ADAM18: variants seen among roughly 807,000 people sequenced by gnomAD.
ADAM18 encodes disintegrin and metalloproteinase domain-containing protein 18.
In ADAM18, 117 loss-of-function variants were observed where a neutral mutation model predicts 94.4. The ratio of observed to expected loss-of-function variants is 1.24; its 90% CI spans 1.07 to 1.45. The LOEUF (loss-of-function observed/expected upper bound fraction) is 1.45. Among genes scored for constraint, ADAM18 ranks in the 40% most tolerant of loss-of-function variants. The pLI, the probability that ADAM18 is intolerant of heterozygous loss-of-function variation, is 0.00. For missense variants in ADAM18, 936 were observed against 880.0 expected, an observed-to-expected ratio of 1.06 and a Z score of -0.81; for synonymous variants, 327 against 291.6, an observed-to-expected ratio of 1.12 and a Z score of -1.24.
intron 17 of ADAM18, among the ~76,000 whole-genome samples, chr8:39,698,790 AG>A (rs958294144): frequency 6.6e-6 from 1 of 152,092 alleles, no homozygotes; most frequent in African/African-American, 2.4e-5. Context: ...ACAAGTTCAT[AG>A]CTTTATAAAT....
intron 4 of ADAM18, 25 bp from the exon 5 acceptor site, chr8:39,609,460 C>T (rs2129578449): frequency 6.4e-7 from 1 of 1,556,032 alleles, no homozygotes; most frequent in African/African-American, 1.4e-5. Context: ...AATTTATATA[C>T]TTGCCTTTCT....
intron 2 of ADAM18, among the ~76,000 whole-genome samples, chr8:39,593,902 T>C (rs1375306182): frequency 6.6e-6 from 1 of 152,188 alleles, no homozygotes; most frequent in Non-Finnish European, 1.5e-5. Context: ...TAGGCAATTG[T>C]CTTTGATGTG....
intron 18 of ADAM18, among the ~76,000 whole-genome samples, chr8:39,720,937 A>G (rs993053717): frequency 1.8e-4 from 27 of 151,600 alleles, no homozygotes; most frequent in African/African-American, 5.8e-4. Context: ...TCACAGCAGC[A>G]CTATTCATAA....
At chr8:39,605,407 A>G (rs949907835) in intron 2 of ADAM18, among the ~76,000 whole-genome samples, 1 of 152,192 alleles carries the variant, frequency 6.6e-6, no homozygotes, top group Non-Finnish European at 1.5e-5. Context: ...CTGGAGGTAT[A>G]GTCTTCCTCA....
intron 14 of ADAM18, among the ~76,000 whole-genome samples, chr8:39,674,831 C>T (rs1821256688): frequency 6.6e-6 from 1 of 152,202 alleles, no homozygotes; most frequent in East Asian, 1.9e-4. Flanking sequence ...GAGACAAAAT[C>T]TCTCAGCATT....
intron 18 of ADAM18, among the ~76,000 whole-genome samples, chr8:39,709,642 G>A (rs569655489): frequency 1.1e-4 from 17 of 152,248 alleles, no homozygotes; most frequent in Non-Finnish European, 1.9e-4. Context: ...ATGTTATTGG[G>A]TGTCTGGTGA....
chr8:39,665,434 G>A (rs1407602334), intron 13 of ADAM18, among the ~76,000 whole-genome samples: 2 of 152,138 alleles, frequency 1.3e-5, no homozygotes, highest in Non-Finnish European at 2.9e-5. Context: ...CATGAACATA[G>A]TGTTTCATTT....
intron 2 of ADAM18, among the ~76,000 whole-genome samples, chr8:39,591,972 C>T (rs972784374): frequency 6.6e-6 from 1 of 152,172 alleles, no homozygotes; most frequent in African/African-American, 2.4e-5. Flanking sequence ...TCCTAGGTGA[C>T]CAGGTACATT....
At chr8:39,586,615 T>A (rs10099250) in intron 2 of ADAM18, among the ~76,000 whole-genome samples, 1 of 151,902 alleles carries the variant, frequency 6.6e-6, no homozygotes, top group Non-Finnish European at 1.5e-5. Context: ...TAGTCCCAGC[T>A]GTTCTGGAGG....
intron 6 of ADAM18, among the ~76,000 whole-genome samples, chr8:39,616,604 T>C (rs1819449408): frequency 6.6e-6 from 1 of 152,086 alleles, no homozygotes; most frequent in Admixed American, 6.5e-5. Context: ...AATCATCACA[T>C]TATCCAACTT....
intron 16 of ADAM18, 41 bp downstream of exon 16, chr8:39,680,267 A>G: frequency 1.9e-6 from 3 of 1,557,920 alleles, no homozygotes; most frequent in Non-Finnish European, 2.6e-6. Context: ...GTGTTAAATT[A>G]TGTGAATTAT....
intron 17 of ADAM18, among the ~76,000 whole-genome samples, chr8:39,700,586 T>C (rs998620735): frequency 6.6e-6 from 1 of 152,114 alleles, no homozygotes; most frequent in East Asian, 1.9e-4. Flanking sequence ...TATCCCAACC[T>C]CTTTTTATTT....
At chr8:39,602,501 T>G (rs890506851) in intron 2 of ADAM18, among the ~76,000 whole-genome samples, 1 of 152,186 alleles carries the variant, frequency 6.6e-6, no homozygotes, top group African/African-American at 2.4e-5. Flanking sequence ...ATGAGAACTT[T>G]AGGGTCATTT....
In ADAM18 at chr8:39,630,624, C is replaced by T. The variant is rs112212052; in HGVS notation, c.588+1185C>T. On this transcript the variant is annotated intron_variant, in intron 7 of 19. Coordinates refer to ENST00000265707, the MANE Select transcript of ADAM18 (RefSeq NM_014237.3). Reference sequence around the variant, plus strand: ...GATTTATTCACATTGTTGCCCATAACAGTAGTTTATTTCTTGTATACTAAC... The same window carrying T: ...GATTTATTCACATTGTTGCCCATAATAGTAGTTTATTTCTTGTATACTAAC... Among the ~76,000 whole-genome samples the T allele has an allele frequency of 9.8e-3, 1,483 of 151,850 alleles. 30 individuals carry two copies. Among genetic ancestry groups the T allele is most frequent in the African/African-American group, 0.034 (1,407 of 41,468 alleles).
chr8:39,596,134 C>G, intron 2 of ADAM18, among the ~76,000 whole-genome samples: 1 of 152,004 alleles, frequency 6.6e-6, no homozygotes, highest in Non-Finnish European at 1.5e-5. Flanking sequence ...TATGGATGTG[C>G]GGCCTCGCTG....
chr8:39,629,230 A>T (rs1819862554), intron 6 of ADAM18, 144 bp from the exon 7 acceptor site: 2 of 594,584 alleles, frequency 3.4e-6, no homozygotes. Context: ...TTGAAGTAAA[A>T]TTTTCTACAT....
At chr8:39,677,636 G>T in intron 15 of ADAM18, 100 bp downstream of exon 15, 1 of 756,918 alleles carries the variant, frequency 1.3e-6, no homozygotes, top group South Asian at 2.5e-5. Context: ...TTATAACATG[G>T]GAATATTTTC....
chr8:39,666,150 A>G (rs993970314), intron 13 of ADAM18, among the ~76,000 whole-genome samples: 2 of 152,012 alleles, frequency 1.3e-5, no homozygotes, highest in Admixed American at 1.3e-4. Context: ...CCATCCTTCC[A>G]CCTCAGCCTC....
At chr8:39,726,276 ATTTGTGTG>A (rs1315645033) in intron 19 of ADAM18, among the ~76,000 whole-genome samples, 5 of 147,376 alleles carry the variant, frequency 3.4e-5, no homozygotes, top group African/African-American at 1.3e-4. Context: ...ACACACACAC[ATTTGTGTG>A]TGTGTGTGTG....
Sources: allele counts gnomAD v4.1 joint callset (sites outside exome capture counted in the v4.1 genomes callset), GRCh38; gene constraint gnomAD v4.1.1; transcripts MANE v1.5; gene names NCBI Gene and HGNC (gene_info 2026-07-23, HGNC 2026-07-21).